The following ZBTB20 variants were observed in gnomAD, a reference collection of about 807,000 sequenced individuals.
ZBTB20 encodes zinc finger and BTB domain containing 20, also known as zinc finger and BTB domain-containing protein 20.
A neutral mutation model predicts 56.9 loss-of-function variants in ZBTB20; 9 were observed. That is an observed-to-expected ratio of 0.16 (90% CI 0.10 to 0.28). The LOEUF is 0.28. Among genes scored for constraint, ZBTB20 ranks in the 10% least tolerant of loss-of-function variants. The probability of loss-of-function intolerance (pLI) is 1.00; values close to 1 mark genes in which losing one functional copy is unlikely to be tolerated. For missense variants in ZBTB20, 655 were observed against 1,003.0 expected, an observed-to-expected ratio of 0.65 and a Z score of 4.69; for synonymous variants, 417 against 420.7, an observed-to-expected ratio of 0.99 and a Z score of 0.11.
intron 4 of ZBTB20, among the ~76,000 whole-genome samples, chr3:114,836,277 G>C (rs1379757868): frequency 6.6e-6 from 1 of 152,050 alleles, no homozygotes; most frequent in African/African-American, 2.4e-5. Flanking sequence ...TGATTAACTT[G>C]CTATATTGAA....
intron 6 of ZBTB20, among the ~76,000 whole-genome samples, chr3:114,648,466 A>G (rs375510536): frequency 3.5e-4 from 53 of 152,144 alleles, no homozygotes; most frequent in African/African-American, 1.2e-3. Flanking sequence ...CAAAGCACTG[A>G]TAGAACAGAA....
At chr3:114,928,797 C>T (rs542311276) in intron 3 of ZBTB20, among the ~76,000 whole-genome samples, 6 of 152,278 alleles carry the variant, frequency 3.9e-5, no homozygotes, top group African/African-American at 1.4e-4. Flanking sequence ...AAAGATGCTG[C>T]AATACTGTTT....
intron 6 of ZBTB20, among the ~76,000 whole-genome samples, chr3:114,609,543 CTT>C (rs1248057734): frequency 6.6e-6 from 1 of 152,096 alleles, no homozygotes; most frequent in Non-Finnish European, 1.5e-5. Context: ...GAAAAAAACT[CTT>C]TTTCCTCATA....
chr3:114,817,215 ACAC>A (rs2072987211), intron 4 of ZBTB20, among the ~76,000 whole-genome samples: 1 of 151,860 alleles, frequency 6.6e-6, no homozygotes. Flanking sequence ...ACACACACAC[ACAC>A]ACACACACAC....
chr3:114,732,045 T>G (rs2065803041), intron 5 of ZBTB20, among the ~76,000 whole-genome samples: 1 of 152,184 alleles, frequency 6.6e-6, no homozygotes, highest in Non-Finnish European at 1.5e-5. Context: ...GCCATTCTAT[T>G]GTCTAGCAAG....
intron 6 of ZBTB20, among the ~76,000 whole-genome samples, chr3:114,660,678 C>T (rs893483049): frequency 6.6e-6 from 1 of 152,110 alleles, no homozygotes; most frequent in Non-Finnish European, 1.5e-5. Flanking sequence ...CCCTGGATAA[C>T]AGCCTTTCAA....
chr3:114,682,833 G>T (rs1043272223), intron 6 of ZBTB20, among the ~76,000 whole-genome samples: 3 of 152,180 alleles, frequency 2.0e-5, no homozygotes, highest in African/African-American at 7.2e-5. Context: ...ACTCTCAGTA[G>T]AGTATGTGTT....
Position 114,858,525 on chromosome 3 carries a change from CGTGTGT to C in ZBTB20, c.-417+41773_-417+41778del, listed in dbSNP as rs145263695. Among the ~76,000 whole-genome samples the C allele has an allele frequency of 6.1e-5, 9 of 146,966 alleles. No individual in the cohort carries two copies. The East Asian group carries it at 8.0e-4, about 13-fold the overall frequency. ...TGCAGTTTCTACTTGTGCGTGTATT[CGTGTGT>C]GTGTGTGTGTGTGTGTGTGTGATGT... On this transcript the variant is annotated intron_variant, in intron 4 of 11. Transcript: ENST00000675478.
chr3:114,890,927 T>C (rs2076783530), intron 4 of ZBTB20, among the ~76,000 whole-genome samples: 1 of 152,220 alleles, frequency 6.6e-6, no homozygotes. Context: ...TATGCATTAC[T>C]TAGCTTGGCG....
At chr3:114,720,946 G>C (rs972393415) in intron 5 of ZBTB20, among the ~76,000 whole-genome samples, 4 of 152,180 alleles carry the variant, frequency 2.6e-5, no homozygotes, top group African/African-American at 9.6e-5. Context: ...GAAAGCTTCA[G>C]TATGATGAAC....
chr3:115,146,777 G>C (rs562533692), intron 1 of ZBTB20, among the ~76,000 whole-genome samples: 1 of 152,296 alleles, frequency 6.6e-6, no homozygotes, highest in East Asian at 1.9e-4. Context: ...AGCAGCTCCT[G>C]AGCCCCGGCT....
intron 7 of ZBTB20, among the ~76,000 whole-genome samples, chr3:114,462,329 G>T (rs2092368716): frequency 6.6e-6 from 1 of 152,176 alleles, no homozygotes; most frequent in East Asian, 1.9e-4. Context: ...CTGAATGGAG[G>T]ATCTGCTGGC....
At chr3:114,864,241 A>C (rs913610735) in intron 4 of ZBTB20, among the ~76,000 whole-genome samples, 1 of 152,064 alleles carries the variant, frequency 6.6e-6, no homozygotes, top group Admixed American at 6.6e-5. Context: ...TTCTGCTACC[A>C]ATCTTCATAT....
chr3:114,995,946 AATT>A (rs1418842553), intron 2 of ZBTB20, among the ~76,000 whole-genome samples: 1 of 151,838 alleles, frequency 6.6e-6, no homozygotes, highest in African/African-American at 2.4e-5. Context: ...TTCAAAATAA[AATT>A]AATATTATTC....
intron 7 of ZBTB20, among the ~76,000 whole-genome samples, chr3:114,405,653 T>C (rs2087248654): frequency 6.6e-6 from 1 of 152,134 alleles, no homozygotes; most frequent in South Asian, 2.1e-4. Flanking sequence ...TCCTGTGAAG[T>C]AGGCATGTGG....
intron 6 of ZBTB20, among the ~76,000 whole-genome samples, chr3:114,561,245 C>G (rs1336609409): frequency 6.6e-6 from 1 of 152,180 alleles, no homozygotes; most frequent in Non-Finnish European, 1.5e-5. Flanking sequence ...GGGTTGGAAT[C>G]AACTTCTTCC....
intron 4 of ZBTB20, among the ~76,000 whole-genome samples, chr3:114,859,459 G>A (rs2075409412): frequency 6.7e-6 from 1 of 150,182 alleles, no homozygotes; most frequent in Non-Finnish European, 1.5e-5. Context: ...CTTCAATTTG[G>A]TGGAGGAGGT....
chr3:115,086,002 ATTTC>A (rs2082973605), intron 1 of ZBTB20, among the ~76,000 whole-genome samples: 1 of 151,848 alleles, frequency 6.6e-6, no homozygotes, highest in Non-Finnish European at 1.5e-5. Flanking sequence ...CGGGCGTTGT[ATTTC>A]TTTCTCTATT....
intron 4 of ZBTB20, among the ~76,000 whole-genome samples, chr3:114,839,101 T>C (rs914131426): frequency 2.6e-5 from 4 of 152,052 alleles, no homozygotes; most frequent in Non-Finnish European, 4.4e-5. Context: ...ACTTTGACCA[T>C]TAAATAGTTC....
Sources: gnomAD v4.1 joint callset for allele counts (sites outside exome capture counted in the v4.1 genomes callset) on GRCh38, gnomAD v4.1.1 for gene constraint, MANE v1.5 for transcripts, NCBI Gene and HGNC (gene_info 2026-07-23, HGNC 2026-07-21) for gene names.